GNE: variants seen among roughly 807,000 people sequenced by gnomAD.
GNE encodes the protein bifunctional UDP-N-acetylglucosamine 2-epimerase/N-acetylmannosamine kinase.
A neutral mutation model predicts 61.8 loss-of-function variants in GNE; 41 were observed. The observed-to-expected ratio is 0.66, with a 90% confidence interval of 0.52 to 0.86. The LOEUF (loss-of-function observed/expected upper bound fraction) is 0.86, where lower values mean the gene tolerates loss of function less well. Ranked by LOEUF, GNE falls within the 40% of genes least tolerant of loss-of-function variation. GNE has a pLI of 0.00. For missense variants in GNE, 608 were observed against 909.1 expected (o/e 0.67, Z 4.26); for synonymous variants, 264 against 326.4 (o/e 0.81, Z 2.06).
chr9:36,217,473 G>A lies in GNE; in HGVS notation c.2061C>T (p.Ala687=), dbSNP rs765296741. 1.9e-6 allele frequency: 3 copies of A among 1,614,148 alleles called. No individual in the cohort carries two copies. Among genetic ancestry groups the A allele is most frequent in the South Asian group, 1.1e-5 (1 of 91,080 alleles). ...HIVKDVIRQQ[A]LSSVQDVDVV... is the part of the protein sequence containing the mutation. ...CATCCACGTCCTGCACGGAGGACAA[G>A]GCCTGCTGGCGAATGACGTCTTTGA... Residue 687 remains alanine (A), a synonymous_variant, in exon 12 of 12, where the codon GCC becomes GCT. Coordinates refer to ENST00000642385, the MANE Select transcript of GNE (RefSeq NM_005476.7).
upstream of GNE, among the ~76,000 whole-genome samples, chr9:36,259,126 C>T (rs1398738929): frequency 6.6e-6 from 1 of 152,196 alleles, no homozygotes; most frequent in African/African-American, 2.4e-5. Flanking sequence ...CTATGTTGTC[C>T]AGGCAGCACT....
chr9:36,220,800 G>A (rs1430451019), intron 9 of GNE, among the ~76,000 whole-genome samples: 10 of 152,152 alleles, frequency 6.6e-5, no homozygotes, highest in Non-Finnish European at 1.5e-4. Context: ...AAATATCAGT[G>A]ACTGTCTTTT....
chr9:36,217,539 C>T lies in GNE; in HGVS notation c.1995G>A (p.Val665=), dbSNP rs1311461163. ...NILHTMNPSL[V]ILSGVLASHY... The stretch of plus-strand genomic sequence containing the variant: ...GACTGGCCAGGACTCCGGAGAGGAT[C>T]ACAAGGGAGGGATTCATGGTATGGA... The change falls in exon 12 of 12, where the codon GTG becomes GTA. Residue 665 remains valine, a synonymous_variant. Coordinates refer to ENST00000642385, the MANE Select transcript of GNE (RefSeq NM_005476.7). The T allele has an allele frequency of 5.0e-6, 8 of 1,614,048 alleles. No individual in the cohort carries two copies. Among genetic ancestry groups the T allele is most frequent in the Non-Finnish European group, 5.9e-6 (7 of 1,180,002 alleles).
In GNE at chr9:36,215,693, G is replaced by A. The variant is rs1828242526; in HGVS notation, c.*1672C>T. 6.6e-6 allele frequency: 1 copy of A among 152,462 alleles called. No homozygotes were observed. Among genetic ancestry groups the A allele is most frequent in the Non-Finnish European group, 1.5e-5 (1 of 68,258 alleles). 9.4% of individuals were successfully genotyped at this position (152,462 alleles called of 1,614,324 possible). A position where few individuals can be genotyped will look rare whatever the true frequency, so the allele number is the denominator to read the frequency against. ...CACCTAGTTCAGAGCCTGGCACACA[G>A]TAGGCACTTAATAAGTGGTGGCAGT... is the stretch of plus-strand genomic sequence containing the variant. On this transcript the variant is annotated 3_prime_UTR_variant, in exon 12 of 12. Coordinates refer to ENST00000642385, the MANE Select transcript of GNE (RefSeq NM_005476.7).
intron 9 of GNE, among the ~76,000 whole-genome samples, chr9:36,222,377 C>G (rs1401269899): frequency 4.7e-5 from 7 of 149,722 alleles, no homozygotes; most frequent in African/African-American, 1.7e-4. Flanking sequence ...CGAGATCCCG[C>G]CACTGCACTC....
intron 5 of GNE, 199 bp downstream of exon 5, chr9:36,233,721 A>C (rs1773340282): frequency 1.5e-6 from 1 of 651,796 alleles, no homozygotes; most frequent in Non-Finnish European, 2.8e-6. Context: ...AAAGACAATA[A>C]AATGTAAGTA....
At chr9:36,251,504 G>A (rs889660260) in intron 1 of GNE, among the ~76,000 whole-genome samples, 1 of 152,084 alleles carries the variant, frequency 6.6e-6, no homozygotes, top group Non-Finnish European at 1.5e-5. Flanking sequence ...GCTCATTGCA[G>A]CCTGGAACTC....
At chr9:36,273,656 A>C (rs919930205) in intron 1 of GNE, among the ~76,000 whole-genome samples, 4 of 140,978 alleles carry the variant, frequency 2.8e-5, no homozygotes, top group Non-Finnish European at 4.6e-5. Context: ...GCCAATTTGG[A>C]ACTCTTTTTT....
At chr9:36,230,694 C>T (rs1487937895) in intron 5 of GNE, among the ~76,000 whole-genome samples, 1 of 149,150 alleles carries the variant, frequency 6.7e-6, no homozygotes, top group African/African-American at 2.5e-5. Flanking sequence ...GAGTCTCGCT[C>T]TGTTGCCCAG....
Position 36,246,560 on chromosome 9 carries a change from C to T in GNE, c.165-78G>A, listed in dbSNP as rs79668204. Reference sequence around the variant, plus strand: ...GTAACATGCAAGAAAAGCAATCTAACACCAACTCTGAAGTGAGAAACATTA... The same window carrying T: ...GTAACATGCAAGAAAAGCAATCTAATACCAACTCTGAAGTGAGAAACATTA... On this transcript the variant is annotated intron_variant, in intron 2 of 11. Coordinates refer to ENST00000642385, the MANE Select transcript of GNE (RefSeq NM_005476.7). 3,347 of 889,944 alleles carry T rather than the reference C, an allele frequency of 3.8e-3. 78 individuals are homozygous for T. In the African/African-American group the frequency reaches 0.048, roughly 13 times the overall value. The allele number at this position is 889,944 out of a possible 1,614,324, so 55.1% of individuals were successfully genotyped here.
intron 3 of GNE, among the ~76,000 whole-genome samples, chr9:36,240,861 CT>C (rs1829604572): frequency 6.6e-6 from 1 of 152,028 alleles, no homozygotes; most frequent in South Asian, 2.1e-4. Flanking sequence ...GTATGTAATT[CT>C]TCCTGATTTA....
Position 36,222,969 on chromosome 9 carries a change from G to T in GNE, c.1441C>A (p.Arg481=), listed in dbSNP as rs772489205. ...GISTGGRVNP[R]EGIVLHSTKL... ...GTTGAATGCAGCACAATTCCTTCCC[G>T]AGGATTTACACGGCCACCTGTGGAA... Residue 481 remains arginine, a synonymous_variant, in exon 9 of 12, where the codon CGG becomes AGG. Coordinates refer to ENST00000642385, the MANE Select transcript of GNE (RefSeq NM_005476.7). 1 of 1,613,962 alleles carries T rather than the reference G, an allele frequency of 6.2e-7. No individual in the cohort carries two copies. Among genetic ancestry groups the T allele is most frequent in the Non-Finnish European group, 8.5e-7 (1 of 1,180,012 alleles).
At chr9:36,225,280 GTTA>G (rs1289089088) in intron 7 of GNE, among the ~76,000 whole-genome samples, 1 of 151,916 alleles carries the variant, frequency 6.6e-6, no homozygotes, top group Non-Finnish European at 1.5e-5. Flanking sequence ...ATATTATTTT[GTTA>G]TTAGTGGATT....
chr9:36,259,615 G>T (rs1830540383), upstream of GNE, among the ~76,000 whole-genome samples: 1 of 152,152 alleles, frequency 6.6e-6, no homozygotes, highest in Non-Finnish European at 1.5e-5. Context: ...CAAAAGAAAA[G>T]ACATTAAGGG....
Position 36,229,013 on chromosome 9 carries a change from A to G in GNE, c.1070+8T>C. ...TAAATCACTCAACAAAGAATGTTTT[A>G]TACTCACCAAGGGTACTGTTTACCA... is the stretch of plus-strand genomic sequence containing the variant. On this transcript the variant is annotated splice_region_variant and intron_variant, in intron 6 of 11. Coordinates refer to ENST00000642385, the MANE Select transcript of GNE (RefSeq NM_005476.7). 1 of 1,508,652 alleles carries G rather than the reference A, an allele frequency of 6.6e-7. No individual in the cohort carries two copies. Among genetic ancestry groups the G allele is most frequent in the Non-Finnish European group, 9.2e-7 (1 of 1,083,864 alleles). The allele number at this position is 1,508,652 out of a possible 1,614,324, so 93.5% of individuals were successfully genotyped here.
chr9:36,228,003 A>G (rs943221489), intron 6 of GNE, among the ~76,000 whole-genome samples: 156 of 147,838 alleles, frequency 1.1e-3, no homozygotes, highest in African/African-American at 3.8e-3. Context: ...ACTGCACTCC[A>G]GCCTGGATGA....
At chr9:36,270,769 A>C (rs752137981) in intron 1 of GNE, among the ~76,000 whole-genome samples, 4 of 151,866 alleles carry the variant, frequency 2.6e-5, no homozygotes, top group African/African-American at 9.7e-5. Context: ...CGCCCACCTC[A>C]GCCTCCCAAA....
chr9:36,237,430 T>C (rs751034130), intron 3 of GNE, among the ~76,000 whole-genome samples: 3 of 152,346 alleles, frequency 2.0e-5, no homozygotes, highest in Non-Finnish European at 4.4e-5. Context: ...TTTCCTGTAC[T>C]ATCACCTACC....
At chr9:36,246,663 T>C (rs897224767) in intron 2 of GNE, among the ~76,000 whole-genome samples, 181 bp from the exon 3 acceptor site, 65 of 137,372 alleles carry the variant, frequency 4.7e-4, no homozygotes, top group African/African-American at 1.9e-3. Context: ...TAAGATTCTT[T>C]TTTTTTTTTT....
Sources: gnomAD v4.1 joint callset for allele counts (sites outside exome capture counted in the v4.1 genomes callset) on GRCh38, gnomAD v4.1.1 for gene constraint, MANE v1.5 for transcripts, NCBI Gene and HGNC (gene_info 2026-07-23, HGNC 2026-07-21) for gene names.